The following UBAP1 variants were observed in gnomAD, a reference collection of about 807,000 sequenced individuals.
UBAP1 encodes the protein ubiquitin associated protein 1.
In UBAP1, 5 loss-of-function variants were observed where a neutral mutation model predicts 39.0. That is an observed-to-expected ratio of 0.13 (90% CI 0.07 to 0.27). The LOEUF is 0.27. UBAP1 is among the 10% of genes least tolerant of loss of function. The probability of loss-of-function intolerance (pLI) is 1.00; values close to 1 mark genes in which losing one functional copy is unlikely to be tolerated. For missense variants in UBAP1, 490 were observed against 608.1 expected (o/e 0.81, Z 2.04); for synonymous variants, 211 against 225.1 (o/e 0.94, Z 0.56).
intron 1 of UBAP1, among the ~76,000 whole-genome samples, chr9:34,200,712 A>G (rs1054652805): frequency 1.3e-5 from 2 of 152,114 alleles, no homozygotes; most frequent in Non-Finnish European, 2.9e-5. Context: ...TTACCAATAC[A>G]TTACTATTTA....
chr9:34,194,346 G>A (rs190574815), intron 1 of UBAP1, among the ~76,000 whole-genome samples: 35 of 149,398 alleles, frequency 2.3e-4, no homozygotes, highest in African/African-American at 8.1e-4. Context: ...ATGGAGTCTC[G>A]CTCTGTTGCC....
chr9:34,221,438 A>G (rs758741826), intron 2 of UBAP1, among the ~76,000 whole-genome samples: 5 of 151,770 alleles, frequency 3.3e-5, no homozygotes, highest in African/African-American at 4.8e-5. Context: ...CTGAGGGCAG[A>G]AGAATGGCGT....
At chr9:34,185,049 G>A (rs1407768508) in intron 1 of UBAP1, among the ~76,000 whole-genome samples, 3 of 148,738 alleles carry the variant, frequency 2.0e-5, no homozygotes, top group East Asian at 2.0e-4. Flanking sequence ...ATTCTCCTGT[G>A]TCAGCCTCCC....
At chr9:34,225,670 C>T (rs924806308) in intron 2 of UBAP1, among the ~76,000 whole-genome samples, 2 of 151,170 alleles carry the variant, frequency 1.3e-5, no homozygotes, top group African/African-American at 4.9e-5. Flanking sequence ...GTCCCAGCTA[C>T]TTGGGAGGCT....
chr9:34,239,351 ACTGT>A (rs1166670823), intron 3 of UBAP1, among the ~76,000 whole-genome samples: 3 of 152,228 alleles, frequency 2.0e-5, no homozygotes, highest in Non-Finnish European at 4.4e-5. Context: ...TTAAACTTTG[ACTGT>A]CTGGAGTCTC....
chr9:34,189,055 C>T (rs987429819), intron 1 of UBAP1, among the ~76,000 whole-genome samples: 18 of 152,162 alleles, frequency 1.2e-4, no homozygotes, highest in African/African-American at 4.1e-4. Context: ...TGCATCCTTA[C>T]TGGTAAGAAT....
At chr9:34,238,959 A>C (rs561794679) in intron 3 of UBAP1, among the ~76,000 whole-genome samples, 1 of 152,232 alleles carries the variant, frequency 6.6e-6, no homozygotes, top group South Asian at 2.1e-4. Flanking sequence ...CACTGTGCTC[A>C]TAGCACCCAC....
At position 34,251,522 on chromosome 9, in the gene UBAP1, G is replaced by C; in HGVS notation, c.1499G>C (p.Gly500Ala). ...TTGGAAGACCTCATGGCTCGGGCAGGAGCCAGCTGAGACCAGGCCCTGCCT... is the reference window on the plus strand; with the variant it reads ...TTGGAAGACCTCATGGCTCGGGCAGCAGCCAGCTGAGACCAGGCCCTGCCT... ...NALEDLMARA[G>A]AS Residue 500 changes from glycine (G) to alanine (A), a missense_variant, in exon 7 of 7, where the codon GGA (glycine) becomes GCA (alanine). Around this residue, in one of 3 missense-constraint regions of UBAP1, gnomAD observed 339 missense variants for 390.0 expected, o/e 0.87. Coordinates refer to ENST00000297661, the MANE Select transcript of UBAP1 (RefSeq NM_016525.5). 2 of 1,613,942 alleles carry C rather than the reference G, an allele frequency of 1.2e-6. No individual in the cohort carries two copies. The highest frequency in any genetic ancestry group is 1.7e-6 in the Non-Finnish European group (2 of 1,179,964).
intron 1 of UBAP1, among the ~76,000 whole-genome samples, chr9:34,203,561 C>T (rs549164685): frequency 2.6e-5 from 4 of 152,210 alleles, no homozygotes; most frequent in African/African-American, 9.6e-5. Context: ...AGACAATAAA[C>T]AAATCCTGAA....
At position 34,228,795 on chromosome 9, in the gene UBAP1, G is replaced by C. The variant is rs140870850; in HGVS notation, c.35-5421G>C. On this transcript the variant is annotated intron_variant, in intron 2 of 6. Coordinates refer to ENST00000297661, the MANE Select transcript of UBAP1 (RefSeq NM_016525.5). ...GGGGTTTCACCATGTTGGCCAGGCT[G>C]GTCTTGAAATCCTGACCTTGAGTGA... Among the ~76,000 whole-genome samples the C allele has an allele frequency of 9.6e-4, 145 of 150,348 alleles. 2 individuals carry two copies. In the Middle Eastern group the frequency reaches 0.014, roughly 14 times the overall value.
intron 1 of UBAP1, among the ~76,000 whole-genome samples, chr9:34,188,316 A>G (rs755252588): frequency 1.3e-5 from 2 of 152,150 alleles, no homozygotes; most frequent in Non-Finnish European, 2.9e-5. Flanking sequence ...GTCCTTCATG[A>G]AATACAGAAA....
chr9:34,230,365 A>G (rs1833345297), intron 2 of UBAP1, among the ~76,000 whole-genome samples: 1 of 152,182 alleles, frequency 6.6e-6, no homozygotes, highest in South Asian at 2.1e-4. Flanking sequence ...CACCTGGCCA[A>G]ATATAGTTAT....
rs191244276 is a variant in UBAP1 at position 34,199,197 on chromosome 9, C to T, written c.-8+19957C>T. On this transcript the variant is annotated intron_variant, in intron 1 of 6. Transcript: ENST00000297661. The stretch of plus-strand genomic sequence containing the variant: ...CAAGCAGTTCTCCTGCCTCAGCCTC[C>T]CGAGTAGCTGGGACTACAGGGGCAC... Among the ~76,000 whole-genome samples the T allele has an allele frequency of 7.9e-5, 12 of 152,236 alleles. No homozygotes were observed. The East Asian group carries it at 2.3e-3, about 29-fold the overall frequency.
chr9:34,250,067 T>A, intron 5 of UBAP1, 106 bp downstream of exon 5: 7 of 1,238,926 alleles, frequency 5.7e-6, no homozygotes, highest in Non-Finnish European at 7.9e-6. Context: ...CCTCCTTTCC[T>A]GTGGGTTTGT....
At chr9:34,210,023 C>T (rs528521541) in intron 1 of UBAP1, among the ~76,000 whole-genome samples, 9 of 152,280 alleles carry the variant, frequency 5.9e-5, no homozygotes, top group South Asian at 2.1e-4. Context: ...TGTTTCTATA[C>T]GCTAGTGACT....
At chr9:34,182,539 G>T (rs912532930) in intron 1 of UBAP1, among the ~76,000 whole-genome samples, 3 of 152,166 alleles carry the variant, frequency 2.0e-5, no homozygotes, top group South Asian at 4.1e-4. Flanking sequence ...CAGCATTATA[G>T]TTGAAATATC....
chr9:34,193,772 A>G (rs916892581), intron 1 of UBAP1, among the ~76,000 whole-genome samples: 1 of 152,070 alleles, frequency 6.6e-6, no homozygotes, highest in African/African-American at 2.4e-5. Flanking sequence ...CCATCCAGGA[A>G]CCTCCAGGTG....
chr9:34,228,223 C>T (rs1010005008), intron 2 of UBAP1, among the ~76,000 whole-genome samples: 3 of 151,950 alleles, frequency 2.0e-5, no homozygotes, highest in African/African-American at 7.2e-5. Context: ...TCGAGACCAT[C>T]CTGGCTAACA....
intron 1 of UBAP1, among the ~76,000 whole-genome samples, chr9:34,185,441 C>G (rs558139172): frequency 3.3e-5 from 5 of 152,104 alleles, no homozygotes; most frequent in East Asian, 1.9e-4. Context: ...CCCAGGTACA[C>G]GAGAGGCTGA....
Sources: gnomAD v4.1 joint callset for allele counts (sites outside exome capture counted in the v4.1 genomes callset) on GRCh38, gnomAD v4.1.1 for gene constraint, gnomAD v4.1.1 regional missense constraint, MANE v1.5 for transcripts, NCBI Gene and HGNC (gene_info 2026-07-23, HGNC 2026-07-21) for gene names.